CMSS1: variants seen among roughly 807,000 people sequenced by gnomAD.
The protein encoded by CMSS1 is cms1 ribosomal small subunit homolog.
In CMSS1, 33 loss-of-function variants were observed where a neutral mutation model predicts 43.5. The ratio of observed to expected loss-of-function variants is 0.76; its 90% confidence interval spans 0.57 to 1.01. The LOEUF is 1.01. CMSS1 is among the 50% of genes least tolerant of loss of function. The pLI is 0.00. For missense variants in CMSS1, 313 were observed against 326.4 expected (o/e 0.96, Z 0.32); for synonymous variants, 115 against 117.2 (o/e 0.98, Z 0.12).
intron 1 of CMSS1, among the ~76,000 whole-genome samples, chr3:99,943,703 CA>C (rs1014184491): frequency 5.3e-4 from 74 of 139,778 alleles, no homozygotes; most frequent in Middle Eastern, 3.5e-3. Context: ...GACTCCGTCT[CA>C]AAAAAAAAAA....
intron 1 of CMSS1, among the ~76,000 whole-genome samples, chr3:99,979,977 T>C (rs961110870): frequency 6.6e-6 from 1 of 151,768 alleles, no homozygotes; most frequent in African/African-American, 2.4e-5. Context: ...AAGGAGGTGG[T>C]ATGTAAGTTG....
intron 1 of CMSS1, among the ~76,000 whole-genome samples, chr3:100,121,362 T>C (rs1031812561): frequency 3.9e-5 from 6 of 151,934 alleles, no homozygotes; most frequent in East Asian, 1.9e-4. Context: ...GTCCTTGTGA[T>C]AGTTTGCTGA....
intron 1 of CMSS1, among the ~76,000 whole-genome samples, chr3:100,068,676 G>A (rs575494187): frequency 2.6e-5 from 4 of 152,174 alleles, no homozygotes; most frequent in Admixed American, 1.3e-4. Context: ...TACCCAGGCT[G>A]GAGTGCAGTT....
chr3:100,120,233 T>C (rs2066608233), intron 1 of CMSS1, among the ~76,000 whole-genome samples: 1 of 152,226 alleles, frequency 6.6e-6, no homozygotes. Flanking sequence ...TGTCATTATG[T>C]AATGCTTTTC....
chr3:99,819,434 A>T (rs1942387585), intron 1 of CMSS1, among the ~76,000 whole-genome samples: 1 of 152,222 alleles, frequency 6.6e-6, no homozygotes, highest in Non-Finnish European at 1.5e-5. Flanking sequence ...CGTTGGAAGA[A>T]AGGCAGTCAA....
chr3:99,836,680 A>C (rs920680319), intron 1 of CMSS1, among the ~76,000 whole-genome samples: 4 of 152,164 alleles, frequency 2.6e-5, no homozygotes, highest in African/African-American at 9.7e-5. Context: ...TAATGATAAG[A>C]ATATAACTAG....
intron 1 of CMSS1, chr3:100,141,692 C>T (rs920317783): frequency 5.1e-6 from 2 of 395,820 alleles, no homozygotes; most frequent in Non-Finnish European, 5.0e-6. Flanking sequence ...CTGTTGTTGC[C>T]AGGGGTTGAA....
intron 1 of CMSS1, among the ~76,000 whole-genome samples, chr3:99,882,663 C>T (rs1041465114): frequency 1.3e-5 from 2 of 152,224 alleles, no homozygotes; most frequent in Non-Finnish European, 2.9e-5. Context: ...AAATTGGTGA[C>T]CCAGTCACTG....
chr3:100,034,299 G>C (rs1477778665), intron 1 of CMSS1, among the ~76,000 whole-genome samples: 1 of 152,202 alleles, frequency 6.6e-6, no homozygotes, highest in African/African-American at 2.4e-5. Flanking sequence ...ACCACTTATT[G>C]TCTGGAGAAA....
intron 1 of CMSS1, among the ~76,000 whole-genome samples, chr3:100,108,309 G>A (rs1238876386): frequency 6.6e-6 from 1 of 152,156 alleles, no homozygotes; most frequent in African/African-American, 2.4e-5. Flanking sequence ...TAGCACCATA[G>A]TGGGAGTTTT....
At chr3:99,978,205 G>T (rs1386843629) in intron 1 of CMSS1, among the ~76,000 whole-genome samples, 1 of 152,064 alleles carries the variant, frequency 6.6e-6, no homozygotes, top group African/African-American at 2.4e-5. Context: ...CCTCATGGAA[G>T]CAAAAAAATT....
At chr3:100,167,386 A>C (rs2067073694) in intron 5 of CMSS1, among the ~76,000 whole-genome samples, 1 of 152,202 alleles carries the variant, frequency 6.6e-6, no homozygotes, top group Non-Finnish European at 1.5e-5. Context: ...TGTCCCTTTA[A>C]AATTTAACAT....
At position 99,916,437 on chromosome 3, in the gene CMSS1, TACACACACACACAC is replaced by T. The variant is rs10529210; in HGVS notation, c.64+98429_64+98442del. Among the ~76,000 whole-genome samples the T allele has an allele frequency of 3.6e-3, 487 of 137,148 alleles. 1 individual carries two copies. The highest frequency in any genetic ancestry group is 9.6e-3 in the African/African-American group (345 of 35,998). 90.0% of individuals were successfully genotyped at this position (137,148 alleles called of 152,430 possible). ...GCCAACACTTTATAATAACGGTTTA[TACACACACACACAC>T]ACACACACACACACACACACACACA... On this transcript the variant is annotated intron_variant, in intron 1 of 9. Coordinates refer to ENST00000421999, the MANE Select transcript of CMSS1 (RefSeq NM_032359.4).
chr3:100,101,800 G>A (rs994615835), intron 1 of CMSS1, among the ~76,000 whole-genome samples: 1 of 152,016 alleles, frequency 6.6e-6, no homozygotes, highest in Non-Finnish European at 1.5e-5. Context: ...GCCCCAGTGT[G>A]TGATGTTCCC....
At chr3:99,921,751 C>T (rs1193566967) in intron 1 of CMSS1, among the ~76,000 whole-genome samples, 4 of 152,114 alleles carry the variant, frequency 2.6e-5, no homozygotes, top group African/African-American at 9.7e-5. Flanking sequence ...CTCTTAAGTT[C>T]TTTCTCTTAA....
intron 1 of CMSS1, among the ~76,000 whole-genome samples, chr3:100,044,920 T>C (rs573410014): frequency 6.6e-6 from 1 of 152,334 alleles, no homozygotes; most frequent in East Asian, 1.9e-4. Flanking sequence ...TAGTAGTGTC[T>C]CTGATGACTT....
chr3:99,973,082 T>G lies in CMSS1; in HGVS notation c.64+155039T>G, dbSNP rs76110454. On this transcript the variant is annotated intron_variant, in intron 1 of 9. Coordinates refer to ENST00000421999, the MANE Select transcript of CMSS1 (RefSeq NM_032359.4). Reference sequence around the variant, plus strand: ...AGAACTATAGGAACAATGGATGGAATGACAATTATTAAAAAAGATGAAGGG... The same window carrying G: ...AGAACTATAGGAACAATGGATGGAAGGACAATTATTAAAAAAGATGAAGGG... Among the ~76,000 whole-genome samples, 1,283 of 152,226 alleles carry G rather than the reference T, an allele frequency of 8.4e-3. 11 individuals carry two copies. Among genetic ancestry groups the G allele is most frequent in the Non-Finnish European group, 0.013 (881 of 67,998 alleles).
At chr3:99,940,772 G>A (rs1029416219) in intron 1 of CMSS1, among the ~76,000 whole-genome samples, 3 of 152,286 alleles carry the variant, frequency 2.0e-5, no homozygotes, top group Middle Eastern at 3.4e-3. Context: ...AGTGCCTTTT[G>A]GCCTCCTCTT....
At chr3:99,818,979 A>C (rs1165743147) in intron 1 of CMSS1, among the ~76,000 whole-genome samples, 1 of 152,206 alleles carries the variant, frequency 6.6e-6, no homozygotes, top group Admixed American at 6.5e-5. Context: ...TTTTCTCTAC[A>C]AGAGAAGACA....
Sources: allele counts gnomAD v4.1 joint callset (sites outside exome capture counted in the v4.1 genomes callset), GRCh38; gene constraint gnomAD v4.1.1; transcripts MANE v1.5; gene names NCBI Gene and HGNC (gene_info 2026-07-23, HGNC 2026-07-21).